The following TXNDC11 variants were observed in gnomAD, a reference collection of about 807,000 sequenced individuals.
TXNDC11 encodes the protein thioredoxin domain containing 11, also known as thioredoxin domain-containing protein 11.
In TXNDC11, 68 loss-of-function variants were observed where a neutral mutation model predicts 78.0. That is an observed-to-expected ratio of 0.87 (90% CI 0.72 to 1.07). The LOEUF is 1.07. TXNDC11 is among the 50% of genes least tolerant of loss of function. The probability of loss-of-function intolerance (pLI) is 0.00; values close to 1 mark genes in which losing one functional copy is unlikely to be tolerated. For missense variants in TXNDC11, 1,389 were observed against 1,221.8 expected (o/e 1.14, Z -2.04); for synonymous variants, 571 against 495.2 (o/e 1.15, Z -2.03).
intron 4 of TXNDC11, among the ~76,000 whole-genome samples, chr16:11,728,617 T>G (rs569736626): frequency 6.6e-6 from 1 of 152,194 alleles, no homozygotes; most frequent in East Asian, 1.9e-4. Flanking sequence ...GAGTCTAACA[T>G]GAACTCCACA....
At position 11,691,286 on chromosome 16, in the gene TXNDC11, G is replaced by A. The variant is rs2050706267; in HGVS notation, c.1900+4C>T. ...TGCTTGGGGAAATAAACTGCCTGCA[G>A]TACCTAGGGTGAGCTTCATCAGTGC... On this transcript the variant is annotated splice_donor_region_variant and intron_variant, in intron 8 of 11. Coordinates refer to ENST00000283033, the MANE Select transcript of TXNDC11 (RefSeq NM_015914.7). The A allele has an allele frequency of 3.1e-6, 5 of 1,607,282 alleles. No individual in the cohort carries two copies. Among genetic ancestry groups the A allele is most frequent in the Middle Eastern group, 1.7e-4 (1 of 6,054 alleles).
At chr16:11,727,289 A>T (rs1186533579) in intron 4 of TXNDC11, among the ~76,000 whole-genome samples, 2 of 152,078 alleles carry the variant, frequency 1.3e-5, no homozygotes, top group Admixed American at 6.6e-5. Flanking sequence ...ATACTCCTAC[A>T]AGATGTTACA....
intron 5 of TXNDC11, among the ~76,000 whole-genome samples, chr16:11,710,466 A>C (rs967846909): frequency 2.6e-5 from 4 of 152,240 alleles, no homozygotes; most frequent in African/African-American, 9.6e-5. Flanking sequence ...ACTAGGGCAA[A>C]GCTCCCTTAT....
At chr16:11,697,530 C>T (rs570070502) in intron 7 of TXNDC11, among the ~76,000 whole-genome samples, 2 of 152,226 alleles carry the variant, frequency 1.3e-5, no homozygotes, top group African/African-American at 2.4e-5. Flanking sequence ...AATAAACTCA[C>T]GCCCAGAGCA....
chr16:11,736,864 C>T (rs2052236267), intron 1 of TXNDC11, among the ~76,000 whole-genome samples: 1 of 152,122 alleles, frequency 6.6e-6, no homozygotes, highest in Non-Finnish European at 1.5e-5. Context: ...AACACTTGAG[C>T]TTCCCACAAG....
intron 5 of TXNDC11, among the ~76,000 whole-genome samples, chr16:11,716,618 A>G (rs150731866): frequency 1.0e-3 from 158 of 152,374 alleles, no homozygotes; most frequent in Middle Eastern, 3.4e-3. Flanking sequence ...AAAAAATTAA[A>G]AGGAAGTTTT....
rs1229348100 is a variant in TXNDC11, at chr16:11,734,020, G to A, written c.531C>T (p.His177=). The A allele has an allele frequency of 3.7e-6, 6 of 1,606,532 alleles. No individual in the cohort carries two copies. The highest frequency in any genetic ancestry group is 8.5e-7 in the Non-Finnish European group (1 of 1,178,446). The change falls in exon 3 of 12, where the codon CAC becomes CAT. Residue 177 remains histidine (H), a synonymous_variant. Coordinates refer to ENST00000283033, the MANE Select transcript of TXNDC11 (RefSeq NM_015914.7). ...GATATATTACAGGAAAATAAAAGAA[G>A]TGTTTCTGTTTTCTGCATTTCCCCT... ...WNQGKCRKQK[H]FFYFPVIYLY...
At chr16:11,712,548 C>G (rs1192653915) in intron 5 of TXNDC11, among the ~76,000 whole-genome samples, 2 of 152,218 alleles carry the variant, frequency 1.3e-5, no homozygotes, top group African/African-American at 4.8e-5. Context: ...ATATCACATA[C>G]CAGATCCTCA....
At chr16:11,722,855 G>C (rs1234842691) in intron 4 of TXNDC11, among the ~76,000 whole-genome samples, 1 of 152,186 alleles carries the variant, frequency 6.6e-6, no homozygotes, top group African/African-American at 2.4e-5. Flanking sequence ...TTATAAAAAA[G>C]AGGAAACTTT....
At chr16:11,681,658 G>A (rs1269573636) in intron 11 of TXNDC11, among the ~76,000 whole-genome samples, 1 of 152,100 alleles carries the variant, frequency 6.6e-6, no homozygotes, top group Non-Finnish European at 1.5e-5. Context: ...TGGTGGACAG[G>A]AGCACCCATC....
chr16:11,707,379 T>C (rs895888689), intron 5 of TXNDC11, among the ~76,000 whole-genome samples: 8 of 151,852 alleles, frequency 5.3e-5, no homozygotes, highest in African/African-American at 4.8e-5. Context: ...ATGATTTTTA[T>C]ACTGATTATA....
intron 7 of TXNDC11, among the ~76,000 whole-genome samples, chr16:11,693,521 T>C (rs1409839594): frequency 1.3e-5 from 2 of 152,146 alleles, no homozygotes; most frequent in Non-Finnish European, 2.9e-5. Context: ...TAATTTCCAA[T>C]TTAAAAACAC....
chr16:11,707,574 G>C (rs55774739), intron 5 of TXNDC11, among the ~76,000 whole-genome samples: 1 of 151,582 alleles, frequency 6.6e-6, no homozygotes, highest in Non-Finnish European at 1.5e-5. Context: ...TCAGCCTCCT[G>C]AGTAGCTAGG....
chr16:11,703,765 G>A (rs544833249), intron 5 of TXNDC11: 16 of 700,686 alleles, frequency 2.3e-5, no homozygotes, highest in Admixed American at 1.0e-4. Flanking sequence ...GGTGAAGAAA[G>A]TACAAGATAA....
chr16:11,702,889 C>T (rs777657459), intron 5 of TXNDC11, among the ~76,000 whole-genome samples: 3 of 152,126 alleles, frequency 2.0e-5, no homozygotes, highest in Non-Finnish European at 2.9e-5. Flanking sequence ...TATGTCCCTA[C>T]TGCCAGAGTC....
intron 6 of TXNDC11, 104 bp from the exon 7 acceptor site, chr16:11,698,429 C>G (rs2050919199): frequency 1.0e-6 from 1 of 1,001,248 alleles, no homozygotes; most frequent in Non-Finnish European, 1.5e-6. Flanking sequence ...GTGAGAAAAC[C>G]CAGGCGTGGA....
Position 11,734,082 on chromosome 16 carries a change from G to A in TXNDC11, c.472-3C>T, listed in dbSNP as rs770752145. On this transcript the variant is annotated splice_polypyrimidine_tract_variant and splice_region_variant and intron_variant, in intron 2 of 11. Transcript: ENST00000283033. ...CAGTTAATTGCCACAAACAACACCT[G>A]CAGAGCCAAAAAAGGTTTTCAAATG... is the stretch of plus-strand genomic sequence containing the variant. The A allele has an allele frequency of 8.2e-6, 13 of 1,583,906 alleles. No homozygotes were observed. Among genetic ancestry groups the A allele is most frequent in the Non-Finnish European group, 1.1e-5 (13 of 1,169,876 alleles).
chr16:11,687,021 T>C (rs2050583891), intron 10 of TXNDC11, among the ~76,000 whole-genome samples: 1 of 152,244 alleles, frequency 6.6e-6, no homozygotes, highest in Non-Finnish European at 1.5e-5. Context: ...ACTCCTCAGA[T>C]TTGATTCTAA....
chr16:11,714,380 C>G (rs1310315612), intron 5 of TXNDC11, among the ~76,000 whole-genome samples: 6 of 152,180 alleles, frequency 3.9e-5, no homozygotes. Flanking sequence ...TTGGCTCACG[C>G]CTGTAACTCC....
Sources: allele counts gnomAD v4.1 joint callset (sites outside exome capture counted in the v4.1 genomes callset), GRCh38; gene constraint gnomAD v4.1.1; transcripts MANE v1.5; gene names NCBI Gene and HGNC (gene_info 2026-07-23, HGNC 2026-07-21).